The following SDCBP variants were observed in gnomAD, a reference collection of about 807,000 sequenced individuals.
The protein encoded by SDCBP is syntenin-1.
SDCBP carries 22 observed loss-of-function variants against 30.5 expected under a neutral mutation model. The observed-to-expected ratio is 0.72, with a 90% CI of 0.52 to 1.03. The LOEUF (loss-of-function observed/expected upper bound fraction) is 1.03. SDCBP is among the 50% of genes least tolerant of loss of function. The pLI, the probability that SDCBP is intolerant of heterozygous loss-of-function variation, is 0.00. For missense variants in SDCBP, 304 were observed against 369.9 expected (o/e 0.82, Z 1.46); for synonymous variants, 103 against 118.7 (o/e 0.87, Z 0.86).
At position 58,557,156 on chromosome 8, in the gene SDCBP, A is replaced by G. The variant is rs1804172588; in HGVS notation, c.-16+3853A>G. Among the ~76,000 whole-genome samples the G allele has an allele frequency of 3.9e-5, 5 of 126,660 alleles. No homozygotes were observed. The South Asian group carries it at 1.1e-3, about 29-fold the overall frequency. 83.1% of individuals were successfully genotyped at this position (126,660 alleles called of 152,430 possible). A position where few individuals can be genotyped will look rare whatever the true frequency, so the allele number is the denominator to read the frequency against. ...TATATTATATACAATATTATAATAT[A>G]TAATTATAATGTATATTATAATATA... On this transcript the variant is annotated intron_variant, in intron 1 of 8. Coordinates refer to ENST00000260130, the MANE Select transcript of SDCBP (RefSeq NM_005625.4).
rs961486871 is a variant in SDCBP, at chr8:58,577,965, A to C, written c.403-68A>C. 8 of 1,248,990 alleles carry C rather than the reference A, an allele frequency of 6.4e-6. No individual in the cohort carries two copies. The African/African-American group carries it at 1.2e-4, about 19-fold the overall frequency. 77.4% of individuals were successfully genotyped at this position (1,248,990 alleles called of 1,614,324 possible). ...TTTTCAACATAAACAGTTGTTTCCT[A>C]ATTTTCCAGCGTTTAAAACCGTATC... On this transcript the variant is annotated intron_variant, in intron 5 of 8. Transcript: ENST00000260130.
At chr8:58,573,517 TGAGGA>T (rs1222370968) in intron 4 of SDCBP, among the ~76,000 whole-genome samples, 1 of 152,086 alleles carries the variant, frequency 6.6e-6, no homozygotes, top group African/African-American at 2.4e-5. Context: ...CCTAGAAGCT[TGAGGA>T]AGAGCCCCAC....
intron 1 of SDCBP, among the ~76,000 whole-genome samples, chr8:58,564,539 G>A (rs866556285): frequency 6.6e-6 from 1 of 152,154 alleles, no homozygotes; most frequent in Non-Finnish European, 1.5e-5. Flanking sequence ...ATACATATAT[G>A]TGTGTATATA....
chr8:58,557,250 A>C (rs1220650904), intron 1 of SDCBP, among the ~76,000 whole-genome samples: 7 of 130,640 alleles, frequency 5.4e-5, no homozygotes, highest in Non-Finnish European at 9.2e-5. Context: ...AATTTTAATC[A>C]ATATTTATAT....
rs772524805 is a variant in SDCBP, at chr8:58,579,706, T to G, written c.662T>G (p.Ile221Arg). ...FIFKNGKITS[I>R]VKDSSAARNG... ...TTTAAAAATGGAAAAATAACATCCA[T>G]AGTGAAAGATAGCTCTGCAGCCAGA... The change falls in exon 7 of 9, where the codon ATA becomes AGA. Residue 221 changes from isoleucine (I) to arginine (R), a missense_variant. Ile to Arg is a moderately conservative substitution (Grantham distance 97). Coordinates refer to ENST00000260130, the MANE Select transcript of SDCBP (RefSeq NM_005625.4). The G allele has an allele frequency of 8.7e-6, 14 of 1,612,532 alleles. No individual in the cohort carries two copies. The highest frequency in any genetic ancestry group is 1.7e-5 in the Admixed American group (1 of 59,868).
chr8:58,557,728 A>G (rs1804224639), intron 1 of SDCBP, among the ~76,000 whole-genome samples: 1 of 152,032 alleles, frequency 6.6e-6, no homozygotes, highest in Admixed American at 6.6e-5. Context: ...ATTTCTTTCC[A>G]AGGAATTAGG....
chr8:58,564,237 T>TA (rs1249370835), intron 1 of SDCBP, among the ~76,000 whole-genome samples: 5 of 152,222 alleles, frequency 3.3e-5, no homozygotes, highest in Admixed American at 2.0e-4. Context: ...TCAAGAATCT[T>TA]ACGTTAAACC....
chr8:58,564,983 G>T, intron 1 of SDCBP, 36 bp from the exon 2 acceptor site: 1 of 1,168,294 alleles, frequency 8.6e-7, no homozygotes, highest in South Asian at 1.3e-5. Flanking sequence ...CAATTTCTAT[G>T]ACATTAGAGT....
rs767373376 is a variant in SDCBP at position 58,575,945 on chromosome 8, G to T, written c.286G>T (p.Val96Leu). The T allele has an allele frequency of 9.3e-6, 15 of 1,613,346 alleles. No individual in the cohort carries two copies. Among genetic ancestry groups the T allele is most frequent in the Non-Finnish European group, 1.3e-5 (15 of 1,179,552 alleles). The change falls in exon 5 of 9, where the codon GTA becomes TTA. Residue 96 changes from valine (V) to leucine (L), a missense_variant. Physicochemically the swap from Val to Leu is conservative, Grantham distance 32 (BLOSUM62 1). Coordinates refer to ENST00000260130, the MANE Select transcript of SDCBP (RefSeq NM_005625.4). ...PSSINYMVAP[V>L]TGNDVGIRRA... ...CAGTATAAACTATATGGTGGCTCCT[G>T]TAACTGGTAATGATGTTGGAATTCG...
intron 2 of SDCBP, among the ~76,000 whole-genome samples, chr8:58,569,856 ATAAATAT>A (rs1804919185): frequency 6.6e-6 from 1 of 152,302 alleles, no homozygotes; most frequent in African/African-American, 2.4e-5. Flanking sequence ...TTATGAAATA[ATAAATAT>A]TAAAGGATGA....
intron 1 of SDCBP, chr8:58,561,700 CTG>C (rs1278705776): frequency 3.1e-6 from 2 of 646,842 alleles, no homozygotes; most frequent in Non-Finnish European, 5.5e-6. Context: ...CAATGGGAGT[CTG>C]TTAAATGGAA....
chr8:58,561,429 G>A, intron 1 of SDCBP: 1 of 192,664 alleles, frequency 5.2e-6, no homozygotes, highest in Non-Finnish European at 1.1e-5. Context: ...GAAACACACT[G>A]TAATCAAATT....
intron 1 of SDCBP, 77 bp downstream of exon 1, chr8:58,553,380 TC>T: frequency 6.5e-6 from 1 of 152,940 alleles, no homozygotes; most frequent in Non-Finnish European, 1.5e-5. Context: ...GGTGTGACGG[TC>T]CCTGGGCCAC....
intron 5 of SDCBP, 106 bp from the exon 6 acceptor site, chr8:58,577,927 C>T: frequency 1.3e-6 from 1 of 792,930 alleles, no homozygotes. Flanking sequence ...TCTTTTTTGT[C>T]ACTGGGGTAG....
chr8:58,578,356 G>C (rs1452652116), intron 6 of SDCBP, 148 bp downstream of exon 6: 2 of 496,498 alleles, frequency 4.0e-6, no homozygotes, highest in East Asian at 7.0e-5. Flanking sequence ...GTGTGGTGCA[G>C]ATTTTTCTTA....
At position 58,561,688 on chromosome 8, in the gene SDCBP, G is replaced by A. The variant is rs115351224; in HGVS notation, c.-15-3331G>A. On this transcript the variant is annotated intron_variant, in intron 1 of 8. Coordinates refer to ENST00000260130, the MANE Select transcript of SDCBP (RefSeq NM_005625.4). ...CATCACCACTATATCTGACTTAAAC[G>A]CCAATGGGAGTCTGTTAAATGGAAA... The A allele has an allele frequency of 4.6e-3, 2,907 of 632,784 alleles. 74 individuals carry two copies. The African/African-American group carries it at 0.049, about 11-fold the overall frequency. The allele number at this position is 632,784 out of a possible 1,614,324, so 39.2% of individuals were successfully genotyped here. A position where few individuals can be genotyped will look rare whatever the true frequency, so the allele number is the denominator to read the frequency against.
intron 1 of SDCBP, chr8:58,561,427 C>G (rs905272883): frequency 1.1e-5 from 2 of 189,664 alleles, no homozygotes; most frequent in African/African-American, 4.7e-5. Context: ...TGGAAACACA[C>G]TGTAATCAAA....
At chr8:58,563,577 A>G (rs1462602616) in intron 1 of SDCBP, among the ~76,000 whole-genome samples, 5 of 152,128 alleles carry the variant, frequency 3.3e-5, no homozygotes, top group Non-Finnish European at 7.3e-5. Context: ...AAATTTAAAA[A>G]AAAAACTATC....
intron 6 of SDCBP, chr8:58,578,456 G>A (rs771811602): frequency 1.0e-5 from 3 of 300,878 alleles, no homozygotes; most frequent in Non-Finnish European, 1.8e-5. Flanking sequence ...TGTTGGAGAA[G>A]TAACTGAGTT....
Sources: allele counts gnomAD v4.1 joint callset (sites outside exome capture counted in the v4.1 genomes callset), GRCh38; gene constraint gnomAD v4.1.1; transcripts MANE v1.5; gene names NCBI Gene and HGNC (gene_info 2026-07-23, HGNC 2026-07-21).